The following IL1A variants were observed in gnomAD, a reference collection of about 807,000 sequenced individuals.
The protein encoded by IL1A is interleukin 1 alpha.
In IL1A, 16 loss-of-function variants were observed where a neutral mutation model predicts 22.2. The observed-to-expected ratio is 0.72, with a 90% CI of 0.49 to 1.09. IL1A has a LOEUF of 1.09. IL1A is among the 50% of genes least tolerant of loss of function. IL1A has a pLI of 0.00. For missense variants in IL1A, 317 were observed against 321.8 expected (o/e 0.99, Z 0.11); for synonymous variants, 113 against 118.5 (o/e 0.95, Z 0.30).
chr2:112,783,679 C>T (rs1228163493), intron 2 of IL1A, 45 bp downstream of exon 2: 14 of 1,550,240 alleles, frequency 9.0e-6, no homozygotes, highest in Non-Finnish European at 1.2e-5. Context: ...TCTGGTGAGC[C>T]TTGAAACCCT....
chr2:112,778,661 G>T (rs952888400), intron 5 of IL1A, among the ~76,000 whole-genome samples: 1 of 152,132 alleles, frequency 6.6e-6, no homozygotes. Flanking sequence ...TATATACAAA[G>T]ATATTTGCAA....
At chr2:112,780,576 C>T (rs1188302670) in intron 4 of IL1A, among the ~76,000 whole-genome samples, 2 of 152,154 alleles carry the variant, frequency 1.3e-5, no homozygotes, top group Non-Finnish European at 2.9e-5. Flanking sequence ...TTGAGGCTCT[C>T]CCACTTACAG....
intron 2 of IL1A, among the ~76,000 whole-genome samples, chr2:112,783,268 A>G (rs963508653): frequency 6.6e-6 from 1 of 152,160 alleles, no homozygotes; most frequent in Non-Finnish European, 1.5e-5. Flanking sequence ...ATGTTCCGTA[A>G]TTTTATCTTT....
chr2:112,775,393 A>T, intron 6 of IL1A, 126 bp from the exon 7 acceptor site: 1 of 667,710 alleles, frequency 1.5e-6, no homozygotes, highest in Non-Finnish European at 2.7e-6. Flanking sequence ...ACATGATGCT[A>T]TAGGCTCTTC....
chr2:112,775,123 A>G lies in IL1A; in HGVS notation c.760T>C (p.Leu254=), dbSNP rs767850241. The G allele has an allele frequency of 1.2e-6, 2 of 1,614,082 alleles. No individual in the cohort carries two copies. Among genetic ancestry groups the G allele is most frequent in the Non-Finnish European group, 1.7e-6 (2 of 1,180,040 alleles). ...IATKQDYWVC[L]AGGPPSITDF... Reference sequence around the variant, plus strand: ...GTGATAGAGGGTGGCCCCCCTGCCAAGCACACCCAGTAGTCTTGCTTTGTG... The same window carrying G: ...GTGATAGAGGGTGGCCCCCCTGCCAGGCACACCCAGTAGTCTTGCTTTGTG... The change falls in exon 7 of 7, where the codon TTG becomes CTG. Residue 254 remains leucine, a synonymous_variant. Transcript: ENST00000263339.
intron 4 of IL1A, 54 bp from the exon 5 acceptor site, chr2:112,779,720 A>G (rs1681163474): frequency 3.7e-6 from 5 of 1,364,854 alleles, no homozygotes; most frequent in Non-Finnish European, 5.1e-6. Flanking sequence ...CACAGATGAT[A>G]TACACAGTCT....
At position 112,774,406 on chromosome 2, in the gene IL1A, A is replaced by C. The variant is rs547570407; in HGVS notation, c.*661T>G. On this transcript the variant is annotated 3_prime_UTR_variant, in exon 7 of 7. Coordinates refer to ENST00000263339, the MANE Select transcript of IL1A (RefSeq NM_000575.5). Reference sequence around the variant, plus strand: ...AGGATGAAGGGGTTCCCATAAATATAGTATATTATAATTATCTTAAATATA... The same window carrying C: ...AGGATGAAGGGGTTCCCATAAATATCGTATATTATAATTATCTTAAATATA... The C allele has an allele frequency of 2.8e-4, 42 of 150,434 alleles. No homozygotes were observed. The highest frequency in any genetic ancestry group is 9.2e-4 in the African/African-American group (38 of 41,230). 9.3% of individuals were successfully genotyped at this position (150,434 alleles called of 1,614,324 possible). A position where few individuals can be genotyped will look rare whatever the true frequency, so the allele number is the denominator to read the frequency against.
At chr2:112,780,069 G>A (rs1215214318) in intron 4 of IL1A, among the ~76,000 whole-genome samples, 1 of 152,134 alleles carries the variant, frequency 6.6e-6, no homozygotes, top group East Asian at 1.9e-4. Context: ...GTGCAAAGTG[G>A]CACATATCAA....
At chr2:112,778,745 C>T (rs879919059) in intron 5 of IL1A, among the ~76,000 whole-genome samples, 7 of 152,058 alleles carry the variant, frequency 4.6e-5, no homozygotes, top group African/African-American at 9.7e-5. Context: ...TTAAAAATGG[C>T]AAATACATAC....
At chr2:112,776,107 C>T (rs3783587) in intron 6 of IL1A, among the ~76,000 whole-genome samples, 1,907 of 152,218 alleles carry the variant, frequency 0.013, 39 homozygotes, top group African/African-American at 0.044. Flanking sequence ...TTTCTTTCCA[C>T]TTCTTTTCCT....
At chr2:112,780,216 A>G (rs1681171979) in intron 4 of IL1A, among the ~76,000 whole-genome samples, 2 of 152,136 alleles carry the variant, frequency 1.3e-5, no homozygotes, top group African/African-American at 2.4e-5. Flanking sequence ...AAAAACGGGC[A>G]CTCTAAAATG....
rs1234360954 is a variant in IL1A at position 112,774,447 on chromosome 2, A to G, written c.*620T>C. 6.6e-6 allele frequency: 1 copy of G among 150,470 alleles called. No individual in the cohort carries two copies. Among genetic ancestry groups the G allele is most frequent in the Non-Finnish European group, 1.5e-5 (1 of 67,694 alleles). The allele number at this position is 150,470 out of a possible 1,614,324, so 9.3% of individuals were successfully genotyped here. ...CTTAAATATATTTATAAATACATAT[A>G]TAAATAATAATTAAAAAATAACATT... On this transcript the variant is annotated 3_prime_UTR_variant, in exon 7 of 7. Transcript: ENST00000263339.
intron 6 of IL1A, 33 bp from the exon 7 acceptor site, chr2:112,775,300 A>G (rs1211482666): frequency 1.3e-6 from 2 of 1,574,630 alleles, no homozygotes; most frequent in Non-Finnish European, 1.7e-6. Context: ...CTGTTAGAGA[A>G]CAAGATGGTA....
chr2:112,778,638 G>GA (rs1405796178), intron 5 of IL1A, among the ~76,000 whole-genome samples: 1 of 152,044 alleles, frequency 6.6e-6, no homozygotes. Context: ...CAAGATAGGA[G>GA]AAAAAACAAT....
chr2:112,778,193 G>GGT (rs3074430), intron 5 of IL1A, 82 bp from the exon 6 acceptor site: 35,455 of 658,278 alleles, frequency 0.054, 576 homozygotes, highest in African/African-American at 0.13. Context: ...GTGTGTGCAT[G>GGT]GTGTGTGTGT....
At chr2:112,783,898 A>C (rs1681256442) in intron 1 of IL1A, 120 bp from the exon 2 acceptor site, 5 of 836,600 alleles carry the variant, frequency 6.0e-6, no homozygotes, top group Non-Finnish European at 1.0e-5. Context: ...GTCCACATTC[A>C]GCATTTTCTC....
chr2:112,776,038 G>C lies in IL1A; in HGVS notation c.616-771C>G, dbSNP rs1326964111. On this transcript the variant is annotated intron_variant, in intron 6 of 6. Transcript: ENST00000263339. Reference sequence around the variant, plus strand: ...CCTACTTTTTCCCTTCTCAGTAAATGTTGTTTCTCCTCTTCCTTCTGTTGG... The same window carrying C: ...CCTACTTTTTCCCTTCTCAGTAAATCTTGTTTCTCCTCTTCCTTCTGTTGG... 2.6e-5 allele frequency among the ~76,000 whole-genome samples: 4 copies of C among 152,060 alleles called. No individual in the cohort carries two copies. The East Asian group carries it at 7.7e-4, about 29-fold the overall frequency.
At position 112,777,855 on chromosome 2, in the gene IL1A, G is replaced by C; in HGVS notation, c.615+132C>G. The C allele has an allele frequency of 7.3e-6, 6 of 819,312 alleles. No individual in the cohort carries two copies. The South Asian group carries it at 1.0e-4, about 14-fold the overall frequency. The allele number at this position is 819,312 out of a possible 1,614,324, so 50.8% of individuals were successfully genotyped here. On this transcript the variant is annotated intron_variant, in intron 6 of 6. Transcript: ENST00000263339. ...ACGCCTCTGGAATCAATGGGAGTGG[G>C]GTGGGCAGGTGGGGGCTGTGGTAGG...
chr2:112,776,224 G>C (rs1681098951), intron 6 of IL1A, among the ~76,000 whole-genome samples: 1 of 152,130 alleles, frequency 6.6e-6, no homozygotes, highest in African/African-American at 2.4e-5. Flanking sequence ...GTGAGGTCAG[G>C]CCATTGCACT....
Sources: gnomAD v4.1 joint callset for allele counts (sites outside exome capture counted in the v4.1 genomes callset) on GRCh38, gnomAD v4.1.1 for gene constraint, MANE v1.5 for transcripts, NCBI Gene and HGNC (gene_info 2026-07-23, HGNC 2026-07-21) for gene names.